Variants in SMG9 observed in about 807,000 individuals in gnomAD.
SMG9 encodes SMG9 nonsense mediated mRNA decay factor.
Under a neutral mutation model 64.0 loss-of-function variants are expected in SMG9, and 55 were observed. The ratio of observed to expected loss-of-function variants is 0.86; its 90% confidence interval spans 0.69 to 1.08. The LOEUF (loss-of-function observed/expected upper bound fraction) is 1.08, where lower values mean the gene tolerates loss of function less well. Among genes scored for constraint, SMG9 ranks in the 50% least tolerant of loss-of-function variants. The pLI is 0.00. For synonymous variants in SMG9, 244 were observed against 254.8 expected, an observed-to-expected ratio of 0.96 and a Z score of 0.41; for missense variants, 554 against 681.3, an observed-to-expected ratio of 0.81 and a Z score of 2.08.
Position 43,738,102 on chromosome 19 carries a change from G to A in SMG9, c.909+20C>T. The A allele has an allele frequency of 6.2e-7, 1 of 1,608,710 alleles. No individual in the cohort carries two copies. Among genetic ancestry groups the A allele is most frequent in the Non-Finnish European group, 8.5e-7 (1 of 1,175,174 alleles). On this transcript the variant is annotated intron_variant, in intron 8 of 13. Transcript: ENST00000270066. ...TGGGGATGTAAAACCTCAGTCCTGG[G>A]CCTGGCTTGGCTCCCTCACCTGCAT...
At position 43,747,740 on chromosome 19, in the gene SMG9, G is replaced by A. The variant is rs547216837; in HGVS notation, c.383C>T (p.Ala128Val). Residue 128 changes from alanine to valine, a missense_variant, in exon 4 of 14, where the codon GCA becomes GTA. Physicochemically the swap from Ala to Val is moderately conservative, Grantham distance 64. Transcript: ENST00000270066. ...TPEGTAPPPP[A>V]APAPPKGEKE... ...CTCCCCCTTGGGTGGCGCAGGGGCT[G>A]CAGGGGGTGGTGGGGCGGTGCCCTC... 2 of 1,610,902 alleles carry A rather than the reference G, an allele frequency of 1.2e-6. No homozygotes were observed. Among genetic ancestry groups the A allele is most frequent in the Non-Finnish European group, 1.7e-6 (2 of 1,178,932 alleles).
At chr19:43,743,545 C>G (rs1968906607) in intron 6 of SMG9, among the ~76,000 whole-genome samples, 1 of 152,188 alleles carries the variant, frequency 6.6e-6, no homozygotes, top group Non-Finnish European at 1.5e-5. Flanking sequence ...CCTGTAATCC[C>G]AGCACTTTGA....
rs1968440385 is a variant in SMG9 at position 43,730,331 on chromosome 19, G to A, written c.*1265C>T. On this transcript the variant is annotated 3_prime_UTR_variant, in exon 14 of 14. Transcript: ENST00000270066. ...GTACTGTATTTAACTGAGCAGATGA[G>A]GGTTGGTACTGTACCAAATCGCAGA... 5.3e-5 allele frequency: 8 copies of A among 152,186 alleles called. No individual in the cohort carries two copies. Among genetic ancestry groups the A allele is most frequent in the Admixed American group, 5.2e-4 (8 of 15,274 alleles). 9.4% of individuals were successfully genotyped at this position (152,186 alleles called of 1,614,324 possible).
rs1343419434 is a variant in SMG9 at position 43,754,955 on chromosome 19, A to C, written c.-308T>G. ...CATGCGCTGAGGGCTGGAGCTCGAG[A>C]ACTGAATGCGCTCGCCGGGCTGAGC... On this transcript the variant is annotated 5_prime_UTR_variant, in exon 1 of 14. Transcript: ENST00000270066. The C allele has an allele frequency of 1.3e-5, 2 of 152,172 alleles. No homozygotes were observed. Among genetic ancestry groups the C allele is most frequent in the Admixed American group, 6.5e-5 (1 of 15,278 alleles). The allele number at this position is 152,172 out of a possible 1,614,324, so 9.4% of individuals were successfully genotyped here. A position where few individuals can be genotyped will look rare whatever the true frequency, so the allele number is the denominator to read the frequency against.
At chr19:43,737,938 G>T (rs1232775468) in intron 8 of SMG9, 184 bp downstream of exon 8, 2 of 674,394 alleles carry the variant, frequency 3.0e-6, no homozygotes, top group East Asian at 2.7e-5. Flanking sequence ...TTGCCTGAGG[G>T]GCAGAGCCAG....
chr19:43,733,144 C>G, intron 12 of SMG9, 142 bp from the exon 13 acceptor site: 1 of 1,311,374 alleles, frequency 7.6e-7, no homozygotes, highest in Non-Finnish European at 1.0e-6. Context: ...CTGAAACACA[C>G]TCCTAATAAA....
At chr19:43,749,753 C>T (rs1969137132) in intron 2 of SMG9, among the ~76,000 whole-genome samples, 3 of 152,176 alleles carry the variant, frequency 2.0e-5, no homozygotes, top group Admixed American at 2.0e-4. Flanking sequence ...GGGAGCGAGG[C>T]TGGGCCTGGG....
At chr19:43,751,994 C>T (rs1969202893) in intron 1 of SMG9, among the ~76,000 whole-genome samples, 1 of 152,222 alleles carries the variant, frequency 6.6e-6, no homozygotes, top group Admixed American at 6.5e-5. Context: ...AAGGCATTTG[C>T]TTACAAACCA....
chr19:43,746,391 C>T lies in SMG9; in HGVS notation c.588+1051G>A, dbSNP rs149552718. ...TGGGGATAGCGGCTACCATACTGGACGGATAGTTCAAATATATATGATCTT... is the reference window on the plus strand; with the variant it reads ...TGGGGATAGCGGCTACCATACTGGATGGATAGTTCAAATATATATGATCTT... On this transcript the variant is annotated intron_variant, in intron 5 of 13. Coordinates refer to ENST00000270066, the MANE Select transcript of SMG9 (RefSeq NM_019108.4). 2.0e-4 allele frequency among the ~76,000 whole-genome samples: 30 copies of T among 152,216 alleles called. No homozygotes were observed. In the East Asian group the frequency reaches 3.1e-3, roughly 16 times the overall value.
chr19:43,752,220 C>T (rs865963315), intron 1 of SMG9, among the ~76,000 whole-genome samples: 5 of 152,188 alleles, frequency 3.3e-5, no homozygotes, highest in African/African-American at 9.7e-5. Context: ...AAGGTGTCTC[C>T]AGTGTTTATT....
intron 3 of SMG9, 39 bp from the exon 4 acceptor site, chr19:43,747,936 C>A: frequency 1.2e-6 from 2 of 1,614,144 alleles, no homozygotes; most frequent in Non-Finnish European, 1.7e-6. Flanking sequence ...GGGGGCAATC[C>A]CTTCCCTAAC....
Position 43,747,985 on chromosome 19 carries a change from G to A in SMG9, c.218C>T (p.Ala73Val). The A allele has an allele frequency of 6.2e-7, 1 of 1,614,180 alleles. No homozygotes were observed. Among genetic ancestry groups the A allele is most frequent in the South Asian group, 1.1e-5 (1 of 91,076 alleles). ...KTPIILSKPPAERSKQPPPPT... is the reference protein window; with the variant it reads ...KTPIILSKPPVERSKQPPPPT... ...CCCTCCTTCTCTGCTCACCCGCTCTGCTGGAGGTTTTGAGAGGATGATGGG... is the reference window on the plus strand; with the variant it reads ...CCCTCCTTCTCTGCTCACCCGCTCTACTGGAGGTTTTGAGAGGATGATGGG... Residue 73 changes from alanine to valine, a missense_variant, in exon 3 of 14, where the codon GCA (alanine) becomes GTA (valine). Coordinates refer to ENST00000270066, the MANE Select transcript of SMG9 (RefSeq NM_019108.4).
intron 9 of SMG9, among the ~76,000 whole-genome samples, chr19:43,735,958 G>A (rs1568597217): frequency 6.6e-6 from 1 of 152,164 alleles, no homozygotes; most frequent in African/African-American, 2.4e-5. Context: ...TCACACCTGT[G>A]TCCCTAGTGC....
chr19:43,737,656 G>A lies in SMG9; in HGVS notation c.936C>T (p.Phe312=). ...CAACAATCACCACATGGCAGACCGT[G>A]AAAAGGAAGGCAGCAATCTGGAGTG... The part of the protein sequence containing the change: ...MQSLQIAAFL[F]TVCHVVIVVQ... Residue 312 remains phenylalanine, a synonymous_variant, in exon 9 of 14, where the codon TTC becomes TTT. Coordinates refer to ENST00000270066, the MANE Select transcript of SMG9 (RefSeq NM_019108.4). The A allele has an allele frequency of 1.2e-6, 2 of 1,614,004 alleles. No individual in the cohort carries two copies. Among genetic ancestry groups the A allele is most frequent in the African/African-American group, 1.3e-5 (1 of 75,026 alleles).
At chr19:43,735,598 G>C (rs938833865) in intron 9 of SMG9, among the ~76,000 whole-genome samples, 89 of 124,020 alleles carry the variant, frequency 7.2e-4, no homozygotes, top group African/African-American at 2.8e-3. Context: ...CTGGGTAACA[G>C]AGTGAGACTC....
chr19:43,743,718 C>G (rs1410006676), intron 6 of SMG9, among the ~76,000 whole-genome samples: 1 of 152,192 alleles, frequency 6.6e-6, no homozygotes, highest in Non-Finnish European at 1.5e-5. Context: ...ATCACTTGAG[C>G]CTGGGAGGTA....
At chr19:43,746,819 C>CTT (rs11326289) in intron 5 of SMG9, among the ~76,000 whole-genome samples, 5 of 134,246 alleles carry the variant, frequency 3.7e-5, no homozygotes, top group Non-Finnish European at 8.1e-5. Context: ...GCTTCTTGTT[C>CTT]TTTTTTTTTT....
At chr19:43,743,514 G>A (rs767903757) in intron 6 of SMG9, among the ~76,000 whole-genome samples, 6 of 152,168 alleles carry the variant, frequency 3.9e-5, no homozygotes, top group Non-Finnish European at 8.8e-5. Context: ...TTCTGCATAC[G>A]GCCAACGGTG....
At chr19:43,745,950 G>A (rs777995614) in intron 5 of SMG9, among the ~76,000 whole-genome samples, 7 of 152,078 alleles carry the variant, frequency 4.6e-5, no homozygotes, top group African/African-American at 1.7e-4. Flanking sequence ...GCGGTGAGCC[G>A]AGATCGTGCC....
Sources: gnomAD v4.1 joint callset for allele counts (sites outside exome capture counted in the v4.1 genomes callset) on GRCh38, gnomAD v4.1.1 for gene constraint, MANE v1.5 for transcripts, NCBI Gene and HGNC (gene_info 2026-07-23, HGNC 2026-07-21) for gene names.